ELAVL2: variants seen among roughly 807,000 people sequenced by gnomAD.
The protein encoded by ELAVL2 is ELAV-like protein 2.
In ELAVL2, 4 loss-of-function variants were observed where a neutral mutation model predicts 34.6. That is an observed-to-expected ratio of 0.12 (90% CI 0.06 to 0.26). The LOEUF is 0.26. ELAVL2 is among the 10% of genes least tolerant of loss of function. The pLI, the probability that ELAVL2 is intolerant of heterozygous loss-of-function variation, is 1.00. For missense variants in ELAVL2, 432 were observed against 442.8 expected (o/e 0.98, Z 0.22); for synonymous variants, 193 against 154.8 (o/e 1.25, Z -1.83).
chr9:23,786,606 A>G (rs2059707241), intron 1 of ELAVL2, among the ~76,000 whole-genome samples: 1 of 151,442 alleles, frequency 6.6e-6, no homozygotes, highest in African/African-American at 2.4e-5. Context: ...ATTACTGGAG[A>G]TAGACTGTAT....
intron 5 of ELAVL2, among the ~76,000 whole-genome samples, chr9:23,693,897 G>GT (rs2034160690): frequency 1.3e-5 from 2 of 152,160 alleles, no homozygotes; most frequent in Non-Finnish European, 2.9e-5. Flanking sequence ...GGGTTTAAGT[G>GT]GCTTGCTCAA....
intron 1 of ELAVL2, among the ~76,000 whole-genome samples, chr9:23,787,281 C>T (rs1183663083): frequency 2.7e-5 from 4 of 148,114 alleles, no homozygotes; most frequent in South Asian, 2.1e-4. Context: ...TTTTTTGAGA[C>T]GGAGTTTCGC....
intron 5 of ELAVL2, among the ~76,000 whole-genome samples, chr9:23,694,698 C>G (rs947038745): frequency 6.6e-6 from 1 of 152,222 alleles, no homozygotes; most frequent in Non-Finnish European, 1.5e-5. Context: ...CACATCTCAT[C>G]TGGTCTTTCA....
At chr9:23,818,481 C>T (rs1391339426) in intron 1 of ELAVL2, among the ~76,000 whole-genome samples, 1 of 152,144 alleles carries the variant, frequency 6.6e-6, no homozygotes, top group Non-Finnish European at 1.5e-5. Flanking sequence ...ATAAAATTAA[C>T]CTCCCCCCAC....
In ELAVL2 at chr9:23,690,631, C is replaced by G. The variant is rs1322504000; in HGVS notation, c.*1926G>C. ...ACTATACTGAAAAATTTTATAACTA[C>G]AATTTTAAATAATAAAAAATAAAAC... is the stretch of plus-strand genomic sequence containing the variant. On this transcript the variant is annotated 3_prime_UTR_variant, in exon 7 of 7. Coordinates refer to ENST00000397312, the MANE Select transcript of ELAVL2 (RefSeq NM_004432.5). The G allele has an allele frequency of 6.6e-6, 1 of 152,344 alleles. No individual in the cohort carries two copies. 9.4% of individuals were successfully genotyped at this position (152,344 alleles called of 1,614,324 possible). A position where few individuals can be genotyped will look rare whatever the true frequency, so the allele number is the denominator to read the frequency against.
At position 23,738,102 on chromosome 9, in the gene ELAVL2, T is replaced by C. The variant is rs528333239; in HGVS notation, c.230-6977A>G. Among the ~76,000 whole-genome samples, 12 of 152,286 alleles carry C rather than the reference T, an allele frequency of 7.9e-5. No homozygotes were observed. The South Asian group carries it at 2.5e-3, about 32-fold the overall frequency. On this transcript the variant is annotated intron_variant, in intron 2 of 6. Coordinates refer to ENST00000397312, the MANE Select transcript of ELAVL2 (RefSeq NM_004432.5). The stretch of plus-strand genomic sequence containing the variant: ...GGACTTACTGTTCTTGGGCACTCAT[T>C]ATGTGTGTCTGTTCAGACAGGCTGT...
intron 1 of ELAVL2, among the ~76,000 whole-genome samples, chr9:23,769,917 G>C (rs1262221877): frequency 6.6e-6 from 1 of 152,224 alleles, no homozygotes; most frequent in African/African-American, 2.4e-5. Context: ...AGAGAGGTAA[G>C]ATAATGAGTT....
chr9:23,774,264 C>T (rs2057846034), intron 1 of ELAVL2, among the ~76,000 whole-genome samples: 2 of 143,900 alleles, frequency 1.4e-5, no homozygotes, highest in Non-Finnish European at 1.5e-5. Context: ...AGAAAATTTG[C>T]TTATCTGTCT....
At chr9:23,753,837 G>A (rs1174308223) in intron 2 of ELAVL2, among the ~76,000 whole-genome samples, 1 of 152,042 alleles carries the variant, frequency 6.6e-6, no homozygotes, top group Non-Finnish European at 1.5e-5. Context: ...AATTATAAAG[G>A]GGCAAATGTT....
At chr9:23,831,033 A>G (rs7869806), upstream of ELAVL2, among the ~76,000 whole-genome samples, 14,327 of 152,210 alleles carry the variant, frequency 0.094, 792 homozygotes, top group East Asian at 0.15. Context: ...AATTAATACA[A>G]GCAATTAAAA....
intron 3 of ELAVL2, among the ~76,000 whole-genome samples, chr9:23,711,460 T>C (rs985375557): frequency 1.3e-5 from 2 of 152,324 alleles, no homozygotes; most frequent in East Asian, 1.9e-4. Context: ...TATTCCTTTA[T>C]GGTCAGAGCA....
intron 3 of ELAVL2, among the ~76,000 whole-genome samples, chr9:23,730,580 G>A (rs1296326559): frequency 1.3e-5 from 2 of 152,062 alleles, no homozygotes; most frequent in Non-Finnish European, 2.9e-5. Context: ...TTGGATAACG[G>A]CTGCATCCAT....
At chr9:23,836,934 C>G in the ELAVL2 span, among the ~76,000 whole-genome samples, 7 of 152,084 alleles carry the variant, frequency 4.6e-5, no homozygotes, top group African/African-American at 1.7e-4. Context: ...GAAAGATACC[C>G]AAAGGTAGAG....
At chr9:23,697,162 A>C (rs2035551562) in intron 5 of ELAVL2, among the ~76,000 whole-genome samples, 3 of 152,116 alleles carry the variant, frequency 2.0e-5, no homozygotes, top group Admixed American at 1.3e-4. Flanking sequence ...AACCTGCTTT[A>C]ATTAAAATGA....
At chr9:23,699,812 GTTTTTTTTTT>G (rs199637833) in intron 5 of ELAVL2, among the ~76,000 whole-genome samples, 24 of 82,962 alleles carry the variant, frequency 2.9e-4, no homozygotes, top group African/African-American at 6.5e-4. Flanking sequence ...GGTGGCAAAG[GTTTTTTTTTT>G]TTTTTTTTTT....
intron 2 of ELAVL2, among the ~76,000 whole-genome samples, chr9:23,755,301 T>C (rs373639497): frequency 2.0e-3 from 301 of 152,308 alleles, no homozygotes; most frequent in African/African-American, 6.8e-3. Context: ...TTCATCATCC[T>C]GTAATCTTTC....
chr9:23,693,202 G>A (rs1399388300), intron 6 of ELAVL2, among the ~76,000 whole-genome samples: 1 of 152,182 alleles, frequency 6.6e-6, no homozygotes, highest in South Asian at 2.1e-4. Context: ...CAACACATAC[G>A]TAAACATGCT....
At chr9:23,772,556 A>G (rs901411032) in intron 1 of ELAVL2, among the ~76,000 whole-genome samples, 1 of 151,140 alleles carries the variant, frequency 6.6e-6, no homozygotes, top group Admixed American at 6.6e-5. Context: ...AAAAAAAAAA[A>G]AGGCATCTAA....
chr9:23,763,038 T>C (rs1354413425), intron 1 of ELAVL2, among the ~76,000 whole-genome samples: 3 of 152,090 alleles, frequency 2.0e-5, no homozygotes, highest in Non-Finnish European at 4.4e-5. Context: ...CACTTCGATA[T>C]GGTGTTTCTC....
Sources: gnomAD v4.1 joint callset for allele counts (sites outside exome capture counted in the v4.1 genomes callset) on GRCh38, gnomAD v4.1.1 for gene constraint, MANE v1.5 for transcripts, NCBI Gene and HGNC (gene_info 2026-07-23, HGNC 2026-07-21) for gene names.